The following NELL2 variants were observed in gnomAD, a reference collection of about 807,000 sequenced individuals.
The protein encoded by NELL2 is protein kinase C-binding protein NELL2.
In NELL2, 41 loss-of-function variants were observed where a neutral mutation model predicts 109.6. The observed-to-expected ratio is 0.37, with a 90% CI of 0.29 to 0.49. The LOEUF (loss-of-function observed/expected upper bound fraction) is 0.49. Among genes scored for constraint, NELL2 ranks in the 20% least tolerant of loss-of-function variants. NELL2 has a pLI of 0.98. For missense variants in NELL2, 900 were observed against 1,008.3 expected, an observed-to-expected ratio of 0.89 and a Z score of 1.45; for synonymous variants, 355 against 344.7, an observed-to-expected ratio of 1.03 and a Z score of -0.33.
At chr12:44,887,629 G>A (rs1407814012) in intron 1 of NELL2, among the ~76,000 whole-genome samples, 1 of 146,744 alleles carries the variant, frequency 6.8e-6, no homozygotes, top group African/African-American at 2.7e-5. Flanking sequence ...GGGGTTTGGG[G>A]GGATTATTGT....
chr12:44,795,462 C>T (rs145049325), intron 3 of NELL2, among the ~76,000 whole-genome samples: 232 of 152,236 alleles, frequency 1.5e-3, no homozygotes, highest in African/African-American at 5.3e-3. Flanking sequence ...ATGTGATAAT[C>T]CACACTAAGC....
At position 44,875,824 on chromosome 12, in the gene NELL2, G is replaced by A; in HGVS notation, c.46C>T (p.Leu16Phe). 6.2e-7 allele frequency: 1 copy of A among 1,613,892 alleles called. No homozygotes were observed. The highest frequency in any genetic ancestry group is 8.5e-7 in the Non-Finnish European group (1 of 1,180,022). ...LLRTFCLIFG[L>F]GAVWGLGVDP... ...CTCTGCGGCCACTCACCTGCTCCGA[G>A]ACCGAAGATCAAACAGAATGTTCTC... Residue 16 changes from leucine (L) to phenylalanine (F), a missense_variant, in exon 1 of 20, where the codon CTC (leucine) becomes TTC (phenylalanine). This residue lies in a region of NELL2 where 200 missense variants were observed against 191.8 expected (regional missense o/e 1.04). Transcript: ENST00000429094.
chr12:44,795,671 T>C (rs1406088626), intron 3 of NELL2, among the ~76,000 whole-genome samples: 3 of 152,184 alleles, frequency 2.0e-5, no homozygotes, highest in African/African-American at 7.2e-5. Context: ...TAATCCACTC[T>C]AGTGGATTAA....
chr12:44,564,950 A>G (rs904402842), intron 15 of NELL2, among the ~76,000 whole-genome samples: 1 of 152,158 alleles, frequency 6.6e-6, no homozygotes, highest in Non-Finnish European at 1.5e-5. Context: ...TATATCCCTT[A>G]CAGCAGTGGT....
upstream of NELL2, among the ~76,000 whole-genome samples, chr12:44,878,728 CA>C (rs11288670): frequency 0.68 from 103,786 of 152,050 alleles, 36,253 homozygotes; most frequent in East Asian, 0.94. Flanking sequence ...ACTACCACAT[CA>C]AATCCCTTTA....
At chr12:44,572,519 C>A (rs1943912725) in intron 15 of NELL2, among the ~76,000 whole-genome samples, 1 of 152,008 alleles carries the variant, frequency 6.6e-6, no homozygotes, top group Non-Finnish European at 1.5e-5. Context: ...GCTAATTAGG[C>A]AAATTAGGAA....
intron 3 of NELL2, 78 bp from the exon 4 acceptor site, chr12:44,780,100 G>A (rs1481863096): frequency 1.4e-6 from 2 of 1,471,818 alleles, no homozygotes. Context: ...TCTACGGGAT[G>A]GAATAGATGT....
rs549802386 is a variant in NELL2 at position 44,853,053 on chromosome 12, C to T, written c.184+22172G>A. On this transcript the variant is annotated intron_variant, in intron 2 of 19. Transcript: ENST00000429094. ...CCTTCTTTTCTTTCCCTTTAGAGGC[C>T]TCATTTCTTGTGAATTCCCATGCTC... Among the ~76,000 whole-genome samples the T allele has an allele frequency of 2.0e-5, 3 of 151,974 alleles. No homozygotes were observed. In the South Asian group the frequency reaches 6.2e-4, roughly 32 times the overall value.
intron 9 of NELL2, among the ~76,000 whole-genome samples, chr12:44,750,702 G>A (rs909020653): frequency 6.6e-6 from 1 of 152,026 alleles, no homozygotes; most frequent in African/African-American, 2.4e-5. Context: ...AAAGCGTTCA[G>A]GAAAACCTTC....
intron 12 of NELL2, among the ~76,000 whole-genome samples, chr12:44,697,365 C>G (rs1467273777): frequency 6.6e-6 from 1 of 152,176 alleles, no homozygotes; most frequent in Admixed American, 6.5e-5. Context: ...CCCACAGTCA[C>G]TCACACTGGG....
intron 9 of NELL2, among the ~76,000 whole-genome samples, chr12:44,765,912 G>A (rs1039607364): frequency 6.6e-6 from 1 of 151,968 alleles, no homozygotes; most frequent in Non-Finnish European, 1.5e-5. Flanking sequence ...ATCACTTTAG[G>A]TGTTTGAGAC....
chr12:44,840,631 G>A lies in NELL2; in HGVS notation c.185-24495C>T, dbSNP rs773411757. ...AGCCTGGGCGACAGAGCGAGACTCC[G>A]TCTCAAAAAAAAAAAAAAGCCATAA... On this transcript the variant is annotated intron_variant, in intron 2 of 19. Transcript: ENST00000429094. Among the ~76,000 whole-genome samples the A allele has an allele frequency of 2.6e-4, 38 of 147,568 alleles. 1 individual carries two copies. The highest frequency in any genetic ancestry group is 4.3e-4 in the Non-Finnish European group (29 of 67,276).
At chr12:44,528,706 A>AATACAT (rs1013986699) in intron 16 of NELL2, among the ~76,000 whole-genome samples, 1 of 152,242 alleles carries the variant, frequency 6.6e-6, no homozygotes, top group African/African-American at 2.4e-5. Context: ...CAAACACATA[A>AATACAT]ATACATACTA....
chr12:44,904,126 TATTAA>T (rs139674155), intron 1 of NELL2, among the ~76,000 whole-genome samples: 1,595 of 152,174 alleles, frequency 0.01, 30 homozygotes, highest in East Asian at 0.048. Flanking sequence ...CACTTAAATC[TATTAA>T]ATGTCTATGA....
chr12:44,595,673 C>T (rs1387590437), intron 15 of NELL2, among the ~76,000 whole-genome samples: 3 of 150,832 alleles, frequency 2.0e-5, no homozygotes, highest in Admixed American at 6.6e-5. Flanking sequence ...GATCTCCTGA[C>T]CTCATGATCT....
At chr12:44,846,517 T>C (rs1370925842) in intron 2 of NELL2, among the ~76,000 whole-genome samples, 1 of 152,238 alleles carries the variant, frequency 6.6e-6, no homozygotes, top group Non-Finnish European at 1.5e-5. Context: ...ATGTCAATAA[T>C]GTTGCTACTG....
At chr12:44,764,886 G>T (rs190995692) in intron 9 of NELL2, among the ~76,000 whole-genome samples, 1 of 152,004 alleles carries the variant, frequency 6.6e-6, no homozygotes, top group South Asian at 2.1e-4. Flanking sequence ...TGAGCTCCTG[G>T]ACAGTCAGGG....
chr12:44,587,284 A>AAAT, intron 15 of NELL2, among the ~76,000 whole-genome samples: 4 of 72,218 alleles, frequency 5.5e-5, no homozygotes, highest in African/African-American at 2.0e-4. Flanking sequence ...AAAAAAAAAA[A>AAAT]ATATATATAT....
intron 3 of NELL2, among the ~76,000 whole-genome samples, chr12:44,786,081 G>A (rs1942156912): frequency 6.6e-6 from 1 of 152,100 alleles, no homozygotes; most frequent in South Asian, 2.1e-4. Context: ...TATCATCAGA[G>A]TGAATAGGCA....
Sources: allele counts gnomAD v4.1 joint callset (sites outside exome capture counted in the v4.1 genomes callset), GRCh38; gene constraint gnomAD v4.1.1; regional missense constraint gnomAD v4.1.1; transcripts MANE v1.5; gene names NCBI Gene and HGNC (gene_info 2026-07-23, HGNC 2026-07-21).